The following SREBF1 variants were observed in gnomAD, a reference collection of about 807,000 sequenced individuals.
The protein encoded by SREBF1 is sterol regulatory element-binding protein 1.
SREBF1 carries 45 observed loss-of-function variants against 100.1 expected under a neutral mutation model. The observed-to-expected ratio is 0.45, with a 90% CI of 0.35 to 0.58. The LOEUF is 0.58. Ranked by LOEUF, SREBF1 falls within the 20% of genes least tolerant of loss-of-function variation. SREBF1 has a pLI of 0.00. For missense variants in SREBF1, 1,324 were observed against 1,539.4 expected (o/e 0.86, Z 2.34); for synonymous variants, 657 against 681.8 (o/e 0.96, Z 0.57).
rs142115026 is a variant in SREBF1, at chr17:17,813,445, G to A, written c.3137C>T (p.Ala1046Val). The A allele has an allele frequency of 2.9e-4, 458 of 1,604,416 alleles. No homozygotes were observed. In the Middle Eastern group the frequency reaches 3.5e-3, roughly 12 times the overall value. Residue 1046 changes from alanine (A) to valine (V), a missense_variant, in exon 18 of 19, where the codon GCG becomes GTG. Transcript: ENST00000261646. ...GTGTGTCCGTGTGGGGCTGGCCCCC[G>A]CCATCAGCCGGGCCGTGGCCTCATG... Reference protein sequence around the residue: ...FLHEATARLMAGASPTRTHQL... With the variant: ...FLHEATARLMVGASPTRTHQL...
intron 1 of SREBF1, among the ~76,000 whole-genome samples, chr17:17,835,362 C>T (rs1277532056): frequency 3.9e-5 from 6 of 152,182 alleles, no homozygotes; most frequent in African/African-American, 7.2e-5. Flanking sequence ...TTGGAAAAGC[C>T]TCACAATCAG....
chr17:17,817,639 T>C lies in SREBF1; in HGVS notation c.1404+57A>G, dbSNP rs921049278. On this transcript the variant is annotated intron_variant, in intron 7 of 18. Coordinates refer to ENST00000261646, the MANE Select transcript of SREBF1 (RefSeq NM_004176.5). This position sits in a 1 kb window ranked among gnomAD's most constrained non-coding sequence, Gnocchi z 6.6. ...TGTTAGGGTCTTCCCGGCCCTGTCA[T>C]GAGGCTCAGAGGATATGGCTGGGAG... 1.9e-6 allele frequency: 3 copies of C among 1,604,106 alleles called. No homozygotes were observed. The highest frequency in any genetic ancestry group is 2.6e-6 in the Non-Finnish European group (3 of 1,172,666).
intron 18 of SREBF1, 120 bp from the exon 19 acceptor site, chr17:17,812,971 G>C (rs751046855): frequency 1.3e-5 from 12 of 941,450 alleles, no homozygotes; most frequent in Non-Finnish European, 1.7e-5. Flanking sequence ...TACCTGGCGG[G>C]GGCCTGGCGG....
chr17:17,821,431 G>A (rs1295757113), intron 1 of SREBF1, among the ~76,000 whole-genome samples: 2 of 152,138 alleles, frequency 1.3e-5, no homozygotes, highest in East Asian at 1.9e-4. Flanking sequence ...GGATGGGGAG[G>A]GAGGAGCAGT....
rs370005563 is a variant in SREBF1, at chr17:17,820,408, G to C, written c.205C>G (p.Pro69Ala). The C allele has an allele frequency of 8.1e-6, 13 of 1,612,916 alleles. No homozygotes were observed. The highest frequency in any genetic ancestry group is 1.7e-5 in the Admixed American group (1 of 59,984). Residue 69 changes from proline to alanine, a missense_variant, in exon 2 of 19, where the codon CCA becomes GCA. Transcript: ENST00000261646. ...TDPASPDTSS[P>A]GSLSPPPATL... Reference sequence around the variant, plus strand: ...GCAGGAGGTGGAGACAAGCTGCCTGGGGAGCTGGTATCGGGGCTGGCAGGG... The same window carrying C: ...GCAGGAGGTGGAGACAAGCTGCCTGCGGAGCTGGTATCGGGGCTGGCAGGG...
chr17:17,823,436 C>G (rs1389909790), intron 1 of SREBF1: 1 of 1,070,006 alleles, frequency 9.3e-7, no homozygotes, highest in East Asian at 2.4e-5. Flanking sequence ...GTTGCGTAGC[C>G]CGCATGCCCG....
Position 17,818,378 on chromosome 17 carries a change from C to T in SREBF1, c.1069-4G>A. The T allele has an allele frequency of 1.2e-6, 2 of 1,611,634 alleles. No individual in the cohort carries two copies. Among genetic ancestry groups the T allele is most frequent in the Non-Finnish European group, 1.7e-6 (2 of 1,178,738 alleles). Reference sequence around the variant, plus strand: ...GCAAGACAGCAGATTTATTCAGCTGCACGGTGTGGGAGGGAGGGGGAGCGC... The same window carrying T: ...GCAAGACAGCAGATTTATTCAGCTGTACGGTGTGGGAGGGAGGGGGAGCGC... On this transcript the variant is annotated splice_polypyrimidine_tract_variant and splice_region_variant and intron_variant, in intron 5 of 18. Transcript: ENST00000261646.
chr17:17,830,097 A>G (rs957310980), intron 1 of SREBF1, among the ~76,000 whole-genome samples: 1 of 152,268 alleles, frequency 6.6e-6, no homozygotes, highest in Non-Finnish European at 1.5e-5. Context: ...TACATCCTAG[A>G]AACTTCCAGC....
At chr17:17,833,671 C>T (rs896298842) in intron 1 of SREBF1, among the ~76,000 whole-genome samples, 1 of 151,656 alleles carries the variant, frequency 6.6e-6, no homozygotes, top group African/African-American at 2.4e-5. Flanking sequence ...AAGTATACCT[C>T]AATAAAGTCG....
rs2034334327 is a variant in SREBF1 at position 17,824,160 on chromosome 17, C to A, written c.92-3639G>T. 6.6e-6 allele frequency among the ~76,000 whole-genome samples: 1 copy of A among 152,180 alleles called. No individual in the cohort carries two copies. Among genetic ancestry groups the A allele is most frequent in the African/African-American group, 2.4e-5 (1 of 41,438 alleles). On this transcript the variant is annotated intron_variant, in intron 1 of 18. Coordinates refer to ENST00000261646, the MANE Select transcript of SREBF1 (RefSeq NM_004176.5). The surrounding 1 kb of genome is among the most constrained non-coding windows in gnomAD (Gnocchi z 4.2). ...GATAATATGGGTGCAGCACTTAGTACGCAAGAAGCGTTTAATTAAGGCCAA... is the reference window on the plus strand; with the variant it reads ...GATAATATGGGTGCAGCACTTAGTAAGCAAGAAGCGTTTAATTAAGGCCAA...
chr17:17,816,182 G>GCCCCCCCCCCCCCC, intron 11 of SREBF1, 25 bp downstream of exon 11: 2 of 81,148 alleles, frequency 2.5e-5, no homozygotes, highest in South Asian at 9.6e-5. Context: ...GCAGGGATAA[G>GCCCCCCCCCCCCCC]CCCCCAGCCC....
Position 17,817,777 on chromosome 17 carries a change from C to A in SREBF1, c.1323G>T (p.Leu441Phe), listed in dbSNP as rs1342813428. The change falls in exon 7 of 19, where the codon TTG (leucine) becomes TTT (phenylalanine). Residue 441 changes from leucine (L) to phenylalanine (F), a missense_variant. By Grantham distance (22) the Leu-to-Phe change is conservative. Transcript: ENST00000261646. This position sits in a 1 kb window ranked among gnomAD's most constrained non-coding sequence, Gnocchi z 6.6. Reference sequence around the variant, plus strand: ...TGCCACTGCCCCTGCTGCCAAGGGACAAGGGGCTGCTCTGGAAAGGTGAGC... The same window carrying A: ...TGCCACTGCCCCTGCTGCCAAGGGAAAAGGGGCTGCTCTGGAAAGGTGAGC... The part of the protein sequence containing the change: ...DAGSPFQSSP[L>F]SLGSRGSGSG... The A allele has an allele frequency of 3.7e-6, 6 of 1,613,704 alleles. No homozygotes were observed. Among genetic ancestry groups the A allele is most frequent in the Non-Finnish European group, 5.1e-6 (6 of 1,180,016 alleles).
chr17:17,812,581 A>G lies in SREBF1; in HGVS notation c.*41T>C. The G allele has an allele frequency of 6.4e-7, 1 of 1,556,250 alleles. No individual in the cohort carries two copies. Among genetic ancestry groups the G allele is most frequent in the Non-Finnish European group, 8.7e-7 (1 of 1,146,268 alleles). ...CAGGACAGAAGCTGCACGGGACCAA[A>G]GTGGCTAGAGACAGGGGTGCTGAGG... On this transcript the variant is annotated 3_prime_UTR_variant, in exon 19 of 19. Coordinates refer to ENST00000261646, the MANE Select transcript of SREBF1 (RefSeq NM_004176.5).
In SREBF1 at chr17:17,819,136, C is replaced by T. The variant is rs1040403459; in HGVS notation, c.945G>A (p.Pro315=). ...INRLAAGSKA[P]ASAQSRGEKR... The stretch of plus-strand genomic sequence containing the variant: ...TCTCTCCACGGCTCTGGGCAGAGGC[C>T]GGGGCCTTGCTGCCAGCTGCGAGCC... Residue 315 remains proline (P), a synonymous_variant, in exon 5 of 19, where the codon CCG becomes CCA. Transcript: ENST00000261646. 33 of 1,614,024 alleles carry T rather than the reference C, an allele frequency of 2.0e-5. No individual in the cohort carries two copies. The highest frequency in any genetic ancestry group is 1.8e-4 in the East Asian group (8 of 44,890).
Position 17,817,829 on chromosome 17 carries a change from G to A in SREBF1, c.1271C>T (p.Thr424Ile), listed in dbSNP as rs781194810. Residue 424 changes from threonine to isoleucine, a missense_variant, in exon 7 of 19, where the codon ACA becomes ATA. Coordinates refer to ENST00000261646, the MANE Select transcript of SREBF1 (RefSeq NM_004176.5). The surrounding 1 kb of genome is among the most constrained non-coding windows in gnomAD (Gnocchi z 6.6). The stretch of plus-strand genomic sequence containing the variant: ...AGCATCCGAGGGGGGTGGGGTCAGT[G>A]TGTCCTCCACCTCAGTCTTCACGCC... ...MEGVKTEVEDTLTPPPSDAGS... is the reference protein window; with the variant it reads ...MEGVKTEVEDILTPPPSDAGS... 1 of 1,611,250 alleles carries A rather than the reference G, an allele frequency of 6.2e-7. No homozygotes were observed. Among genetic ancestry groups the A allele is most frequent in the East Asian group, 2.2e-5 (1 of 44,872 alleles).
In SREBF1 at chr17:17,817,200, C is replaced by A; in HGVS notation, c.1606+56G>T. On this transcript the variant is annotated intron_variant, in intron 8 of 18. Transcript: ENST00000261646. This position sits in a 1 kb window ranked among gnomAD's most constrained non-coding sequence, Gnocchi z 6.6. The stretch of plus-strand genomic sequence containing the variant: ...AAATCCAGAGCCCCAAGTTCACAAG[C>A]CTGGGGGCTCACCCCGAGTGTCCCT... 1 of 1,611,088 alleles carries A rather than the reference C, an allele frequency of 6.2e-7. No homozygotes were observed. The highest frequency in any genetic ancestry group is 8.5e-7 in the Non-Finnish European group (1 of 1,179,056).
At chr17:17,813,939 G>T (rs572905301) in intron 16 of SREBF1, 170 bp from the exon 17 acceptor site, 5 of 770,550 alleles carry the variant, frequency 6.5e-6, no homozygotes, top group Non-Finnish European at 1.0e-5. Flanking sequence ...CGCCTCTCTC[G>T]GCCCCCACAC....
At chr17:17,820,658 C>A in intron 1 of SREBF1, 137 bp from the exon 2 acceptor site, 1 of 967,980 alleles carries the variant, frequency 1.0e-6, no homozygotes, top group Non-Finnish European at 1.6e-6. Flanking sequence ...GCCACCAGGA[C>A]AGAAAGCCAC....
chr17:17,835,622 G>A (rs150599085), intron 1 of SREBF1, among the ~76,000 whole-genome samples: 1 of 152,354 alleles, frequency 6.6e-6, no homozygotes, highest in African/African-American at 2.4e-5. Context: ...TCAACCAAGT[G>A]CAACTTAGCT....
Sources: allele counts gnomAD v4.1 joint callset (sites outside exome capture counted in the v4.1 genomes callset), GRCh38; gene constraint gnomAD v4.1.1; non-coding constraint Gnocchi (gnomAD v3.1); transcripts MANE v1.5; gene names NCBI Gene and HGNC (gene_info 2026-07-23, HGNC 2026-07-21).